ME3: variants seen among roughly 807,000 people sequenced by gnomAD.
ME3 encodes NADP-dependent malic enzyme, mitochondrial.
ME3 carries 48 observed loss-of-function variants against 68.9 expected under a neutral mutation model. That is an observed-to-expected ratio of 0.70 (90% CI 0.55 to 0.89). The LOEUF is 0.89. Among genes scored for constraint, ME3 ranks in the 40% least tolerant of loss-of-function variants. The pLI is 0.00. For missense variants in ME3, 675 were observed against 797.4 expected, an observed-to-expected ratio of 0.85 and a Z score of 1.85; for synonymous variants, 320 against 318.8, an observed-to-expected ratio of 1.00 and a Z score of -0.04.
intron 4 of ME3, among the ~76,000 whole-genome samples, chr11:86,548,966 C>T (rs1031313679): frequency 2.7e-4 from 41 of 152,168 alleles, no homozygotes; most frequent in African/African-American, 9.7e-4. Context: ...AAAGTGTGGT[C>T]CCTGGCCAGA....
At position 86,450,342 on chromosome 11, in the gene ME3, T is replaced by C. The variant is rs772858557; in HGVS notation, c.976A>G (p.Lys326Glu). The change falls in exon 9 of 15, where the codon AAG (lysine) becomes GAG (glutamate). Residue 326 changes from lysine to glutamate, a missense_variant. Physicochemically the swap from Lys to Glu is moderately conservative, Grantham distance 56. Coordinates refer to ENST00000543262, the Ensembl canonical transcript of ME3. ...AAAACAAACACGTGATTGGAAAGCT[T>C]GTTCTTGGTGATTCGCAGAGCAGCC... is the stretch of plus-strand genomic sequence containing the variant. 3.7e-6 allele frequency: 6 copies of C among 1,614,110 alleles called. No individual in the cohort carries two copies. The Admixed American group carries it at 6.7e-5, about 18-fold the overall frequency.
At chr11:86,607,457 T>TG (rs1389669570) in intron 2 of ME3, among the ~76,000 whole-genome samples, 1 of 82,000 alleles carries the variant, frequency 1.2e-5, no homozygotes, top group Non-Finnish European at 2.6e-5. Context: ...GCATAGTTTT[T>TG]TTTTTTTTTT....
chr11:86,524,165 C>T (rs960555792), intron 4 of ME3, among the ~76,000 whole-genome samples: 7 of 152,196 alleles, frequency 4.6e-5, no homozygotes, highest in African/African-American at 1.4e-4. Flanking sequence ...ACCTTCCTGA[C>T]GTCTAGAAGG....
intron 2 of ME3, among the ~76,000 whole-genome samples, chr11:86,566,506 C>G (rs1416159779): frequency 1.3e-5 from 2 of 152,162 alleles, no homozygotes; most frequent in Admixed American, 1.3e-4. Flanking sequence ...TAGGGAGATC[C>G]AAACCCATAT....
At chr11:86,615,341 C>T (rs1272677658) in intron 2 of ME3, among the ~76,000 whole-genome samples, 1 of 152,190 alleles carries the variant, frequency 6.6e-6, no homozygotes, top group Non-Finnish European at 1.5e-5. Flanking sequence ...TCATGAATGG[C>T]ACTTTACATA....
intron 2 of ME3, among the ~76,000 whole-genome samples, chr11:86,656,997 G>C (rs1007295093): frequency 2.0e-5 from 3 of 152,318 alleles, no homozygotes; most frequent in Non-Finnish European, 4.4e-5. Context: ...TGGAGAAATA[G>C]GAACGCTTTT....
chr11:86,518,408 C>G (rs997813719), intron 4 of ME3, among the ~76,000 whole-genome samples: 1 of 152,168 alleles, frequency 6.6e-6, no homozygotes. Flanking sequence ...TATCATCGGC[C>G]ACCTGTTTTA....
intron 2 of ME3, among the ~76,000 whole-genome samples, chr11:86,596,807 T>G (rs1959552187): frequency 6.6e-6 from 1 of 152,242 alleles, no homozygotes; most frequent in African/African-American, 2.4e-5. Flanking sequence ...ATCACTTGGC[T>G]TCCCTTCTGC....
intron 4 of ME3, among the ~76,000 whole-genome samples, chr11:86,550,376 T>G (rs1035666978): frequency 6.6e-6 from 1 of 152,134 alleles, no homozygotes; most frequent in Admixed American, 6.6e-5. Context: ...GCTAAGTGAC[T>G]TGCCTAAGGA....
chr11:86,521,425 A>AT (rs1555221553), intron 4 of ME3, among the ~76,000 whole-genome samples: 1 of 118,252 alleles, frequency 8.5e-6, no homozygotes, highest in Non-Finnish European at 1.9e-5. Flanking sequence ...AAACAAAACA[A>AT]AACAAAAATA....
chr11:86,599,694 C>G (rs2139720573), intron 2 of ME3, among the ~76,000 whole-genome samples: 1 of 152,218 alleles, frequency 6.6e-6, no homozygotes, highest in East Asian at 1.9e-4. Context: ...TTAAGGGCAG[C>G]CAGAGAGAAA....
In ME3 at chr11:86,450,009, G is replaced by A; in HGVS notation, c.1018-7C>T. 1 of 1,586,088 alleles carries A rather than the reference G, an allele frequency of 6.3e-7. No individual in the cohort carries two copies. Among genetic ancestry groups the A allele is most frequent in the Non-Finnish European group, 8.6e-7 (1 of 1,159,050 alleles). On this transcript the variant is annotated splice_region_variant and splice_polypyrimidine_tract_variant and intron_variant, in intron 9 of 14. Transcript: ENST00000543262. ...GGGCAATGCCCATAGCTGCCTGGAAGGTACCATAGGGTAGATGTTCAGACA... is the reference window on the plus strand; with the variant it reads ...GGGCAATGCCCATAGCTGCCTGGAAAGTACCATAGGGTAGATGTTCAGACA...
intron 4 of ME3, among the ~76,000 whole-genome samples, chr11:86,543,980 C>A (rs561865294): frequency 1.4e-5 from 2 of 144,492 alleles, no homozygotes; most frequent in Non-Finnish European, 3.1e-5. Context: ...GCAATCAAAT[C>A]AGAACTCAGG....
chr11:86,589,912 T>C (rs1958963034), intron 2 of ME3, among the ~76,000 whole-genome samples: 1 of 152,214 alleles, frequency 6.6e-6, no homozygotes. Flanking sequence ...TGTTCTTAAG[T>C]GTGTGCTGTT....
intron 4 of ME3, among the ~76,000 whole-genome samples, chr11:86,525,066 G>C (rs1954631396): frequency 6.6e-6 from 1 of 152,212 alleles, no homozygotes; most frequent in African/African-American, 2.4e-5. Context: ...ACTCCAACTT[G>C]CAAAACATTG....
intron 7 of ME3, among the ~76,000 whole-genome samples, chr11:86,486,976 G>T (rs1384443187): frequency 6.6e-6 from 1 of 152,186 alleles, no homozygotes; most frequent in Non-Finnish European, 1.5e-5. Flanking sequence ...CATTTCATCA[G>T]AAGGGCACAC....
intron 4 of ME3, among the ~76,000 whole-genome samples, chr11:86,527,695 C>T (rs1954870884): frequency 6.6e-6 from 1 of 152,106 alleles, no homozygotes; most frequent in Admixed American, 6.5e-5. Context: ...GAGTGGGGGC[C>T]AATATTCAAC....
At chr11:86,457,743 A>C (rs1427274588) in intron 8 of ME3, 1 of 1,286,978 alleles carries the variant, frequency 7.8e-7, no homozygotes, top group East Asian at 5.6e-5. Context: ...GGCAGCTGAA[A>C]GTGTGGCAGG....
chr11:86,550,676 A>G (rs1956620584), intron 4 of ME3, among the ~76,000 whole-genome samples: 1 of 152,102 alleles, frequency 6.6e-6, no homozygotes, highest in Non-Finnish European at 1.5e-5. Context: ...TGATGATGCT[A>G]GTCCTTGCTT....
Sources: allele counts gnomAD v4.1 joint callset (sites outside exome capture counted in the v4.1 genomes callset), GRCh38; gene constraint gnomAD v4.1.1; transcripts MANE v1.5; gene names NCBI Gene and HGNC (gene_info 2026-07-23, HGNC 2026-07-21).